The following MALT1 variants were observed in gnomAD, a reference collection of about 807,000 sequenced individuals.
MALT1 encodes the protein mucosa-associated lymphoid tissue lymphoma translocation protein 1.
MALT1 carries 36 observed loss-of-function variants against 85.5 expected under a neutral mutation model. The ratio of observed to expected loss-of-function variants is 0.42; its 90% confidence interval spans 0.32 to 0.56. MALT1 has a LOEUF of 0.56. Among genes scored for constraint, MALT1 ranks in the 20% least tolerant of loss-of-function variants. MALT1 has a pLI of 0.10. For missense variants in MALT1, 716 were observed against 981.6 expected (o/e 0.73, Z 3.62); for synonymous variants, 359 against 361.3 (o/e 0.99, Z 0.07).
At chr18:58,685,261 C>T (rs1008622901) in intron 2 of MALT1, among the ~76,000 whole-genome samples, 2 of 152,132 alleles carry the variant, frequency 1.3e-5, no homozygotes, top group Non-Finnish European at 2.9e-5. Flanking sequence ...CAGAGAGAAG[C>T]CTGGTTTGGG....
At chr18:58,726,030 C>T (rs1358520184) in intron 10 of MALT1, among the ~76,000 whole-genome samples, 2 of 152,182 alleles carry the variant, frequency 1.3e-5, no homozygotes, top group Non-Finnish European at 2.9e-5. Flanking sequence ...CACTGCACTC[C>T]AGCCTGGGCA....
At chr18:58,700,325 G>A in intron 3 of MALT1, 116 bp from the exon 4 acceptor site, 1 of 702,430 alleles carries the variant, frequency 1.4e-6, no homozygotes, top group Non-Finnish European at 2.2e-6. Context: ...TTTAGAACTT[G>A]GGGGAAAAAT....
chr18:58,744,229 GTAAATCATGTTTT>G (rs2055337393), intron 14 of MALT1, 96 bp from the exon 15 acceptor site: 1 of 669,030 alleles, frequency 1.5e-6, no homozygotes, highest in Admixed American at 3.0e-5. Context: ...TTTAAACAAT[GTAAATCATGTTTT>G]TAAGCAAAAG....
intron 10 of MALT1, among the ~76,000 whole-genome samples, chr18:58,729,255 C>T (rs550263437): frequency 3.3e-5 from 5 of 151,850 alleles, no homozygotes; most frequent in Non-Finnish European, 5.9e-5. Context: ...TTTGGGAGGC[C>T]GAGGCAGGCA....
intron 6 of MALT1, among the ~76,000 whole-genome samples, chr18:58,710,283 A>G (rs2054814583): frequency 6.7e-6 from 1 of 149,900 alleles, no homozygotes; most frequent in South Asian, 2.1e-4. Flanking sequence ...AAGAATCAGG[A>G]AAAAAAGCCA....
chr18:58,727,541 T>C (rs1005153540), intron 10 of MALT1, among the ~76,000 whole-genome samples: 2 of 151,586 alleles, frequency 1.3e-5, no homozygotes, highest in African/African-American at 4.9e-5. Flanking sequence ...TCTCCTGACC[T>C]TGTGATCCAC....
chr18:58,685,251 C>A (rs1377869951), intron 2 of MALT1, among the ~76,000 whole-genome samples: 2 of 152,180 alleles, frequency 1.3e-5, no homozygotes, highest in African/African-American at 2.4e-5. Flanking sequence ...TCTGTCCTTA[C>A]AGAGAGAAGC....
At chr18:58,709,663 A>C in intron 5 of MALT1, 107 bp downstream of exon 5, 1 of 954,346 alleles carries the variant, frequency 1.0e-6, no homozygotes, top group Non-Finnish European at 1.5e-6. Context: ...AGATGTTTTA[A>C]TGTTTTCAGT....
intron 4 of MALT1, 73 bp from the exon 5 acceptor site, chr18:58,709,305 A>C: frequency 5.1e-6 from 5 of 983,544 alleles, no homozygotes; most frequent in Non-Finnish European, 5.8e-6. Flanking sequence ...GGAACTTGAC[A>C]CATCTCTTTA....
At chr18:58,733,376 T>C in intron 10 of MALT1, 21 bp from the exon 11 acceptor site, 1 of 1,533,860 alleles carries the variant, frequency 6.5e-7, no homozygotes, top group South Asian at 1.2e-5. Context: ...TCTATCTCTC[T>C]CTTATTTTTC....
At chr18:58,713,818 A>G (rs553183910) in intron 7 of MALT1, among the ~76,000 whole-genome samples, 33 of 152,330 alleles carry the variant, frequency 2.2e-4, no homozygotes, top group African/African-American at 7.9e-4. Flanking sequence ...AATATCTAAA[A>G]CTATGAATAA....
intron 14 of MALT1, among the ~76,000 whole-genome samples, 180 bp from the exon 15 acceptor site, chr18:58,744,158 G>T (rs1224367040): frequency 6.6e-6 from 1 of 152,070 alleles, no homozygotes; most frequent in African/African-American, 2.4e-5. Flanking sequence ...TAAACAAATG[G>T]TAAATGAAAG....
chr18:58,722,062 G>T (rs1034080954), intron 9 of MALT1, among the ~76,000 whole-genome samples: 7 of 151,898 alleles, frequency 4.6e-5, no homozygotes, highest in African/African-American at 7.2e-5. Flanking sequence ...GCCGTCAGAG[G>T]CTATTATTGT....
chr18:58,690,105 T>A (rs1034027524), intron 2 of MALT1, among the ~76,000 whole-genome samples: 1 of 152,274 alleles, frequency 6.6e-6, no homozygotes, highest in Non-Finnish European at 1.5e-5. Flanking sequence ...GGCACCCATG[T>A]GTCTAGCAAG....
intron 13 of MALT1, 36 bp from the exon 14 acceptor site, chr18:58,741,829 G>C: frequency 7.7e-7 from 1 of 1,293,430 alleles, no homozygotes; most frequent in Non-Finnish European, 1.1e-6. Flanking sequence ...AAGAATTGGT[G>C]GTCTTAAAAA....
At chr18:58,718,973 A>T (rs2054942952) in intron 9 of MALT1, among the ~76,000 whole-genome samples, 1 of 152,192 alleles carries the variant, frequency 6.6e-6, no homozygotes, top group South Asian at 2.1e-4. Flanking sequence ...GTAAGAATGG[A>T]GGCATGAAAT....
intron 11 of MALT1, 80 bp from the exon 12 acceptor site, chr18:58,734,227 T>G: frequency 8.7e-7 from 1 of 1,149,820 alleles, no homozygotes; most frequent in Non-Finnish European, 1.3e-6. Flanking sequence ...CTGTTGTATT[T>G]TCTCATTATT....
At chr18:58,742,563 C>A (rs879690784) in intron 14 of MALT1, among the ~76,000 whole-genome samples, 1 of 152,074 alleles carries the variant, frequency 6.6e-6, no homozygotes, top group African/African-American at 2.4e-5. Flanking sequence ...AAAAAGTTAG[C>A]GGGGTGTGGT....
intron 13 of MALT1, 152 bp downstream of exon 13, chr18:58,735,481 A>G (rs2144466821): frequency 4.2e-6 from 3 of 706,050 alleles, no homozygotes; most frequent in South Asian, 2.2e-5. Context: ...TATTAATATA[A>G]CGTTCAGCAA....
Sources: allele counts gnomAD v4.1 joint callset (sites outside exome capture counted in the v4.1 genomes callset), GRCh38; gene constraint gnomAD v4.1.1; transcripts MANE v1.5; gene names NCBI Gene and HGNC (gene_info 2026-07-23, HGNC 2026-07-21).